The following GUCY1A1 variants were observed in gnomAD, a reference collection of about 807,000 sequenced individuals.
The protein encoded by GUCY1A1 is guanylate cyclase 1 soluble subunit alpha 1.
GUCY1A1 carries 48 observed loss-of-function variants against 64.5 expected under a neutral mutation model. That is an observed-to-expected ratio of 0.74 (90% CI 0.59 to 0.95). The LOEUF is 0.95. Ranked by LOEUF, GUCY1A1 falls within the 40% of genes least tolerant of loss-of-function variation. The probability of loss-of-function intolerance (pLI) is 0.00; values close to 1 mark genes in which losing one functional copy is unlikely to be tolerated. For missense variants in GUCY1A1, 804 were observed against 825.3 expected (o/e 0.97, Z 0.32); for synonymous variants, 308 against 303.4 (o/e 1.02, Z -0.16).
Position 155,735,553 on chromosome 4 carries a change from T to C in GUCY1A1, c.*5322T>C, listed in dbSNP as rs1275079292. The C allele has an allele frequency of 6.6e-6, 1 of 151,964 alleles. No homozygotes were observed. Among genetic ancestry groups the C allele is most frequent in the Non-Finnish European group, 1.5e-5 (1 of 67,926 alleles). 9.4% of individuals were successfully genotyped at this position (151,964 alleles called of 1,614,324 possible). ...TCAAGTTTTTTAATTTTTTAAATTA[T>C]ATAATGTCAGAAAATTAAATCACAA... On this transcript the variant is annotated 3_prime_UTR_variant, in exon 10 of 10. Transcript: ENST00000506455.
At chr4:155,706,605 C>A (rs2126817204) in intron 4 of GUCY1A1, among the ~76,000 whole-genome samples, 1 of 150,298 alleles carries the variant, frequency 6.7e-6, no homozygotes, top group South Asian at 2.1e-4. Flanking sequence ...TGCTTAGTTT[C>A]TTTTTCTGGG....
chr4:155,667,522 C>T (rs1263644404), intron 2 of GUCY1A1, 103 bp downstream of exon 2: 2 of 152,184 alleles, frequency 1.3e-5, no homozygotes, highest in African/African-American at 2.4e-5. Flanking sequence ...TCCTGAGAAA[C>T]CTTCGGTACG....
At chr4:155,702,249 A>G (rs938561423) in intron 3 of GUCY1A1, among the ~76,000 whole-genome samples, 2 of 152,112 alleles carry the variant, frequency 1.3e-5, no homozygotes, top group Non-Finnish European at 2.9e-5. Context: ...TTTATTAAAG[A>G]CTTCTTTTTT....
chr4:155,724,343 G>A (rs568187322), intron 9 of GUCY1A1, among the ~76,000 whole-genome samples: 15 of 152,152 alleles, frequency 9.9e-5, no homozygotes, highest in Admixed American at 6.6e-5. Context: ...TTCCAAGTCC[G>A]GCTTCTGCTA....
chr4:155,676,670 C>T (rs1330505156), intron 2 of GUCY1A1, among the ~76,000 whole-genome samples: 1 of 151,458 alleles, frequency 6.6e-6, no homozygotes, highest in African/African-American at 2.5e-5. Context: ...CAGTGTTTAT[C>T]ACTTAAGTGG....
At chr4:155,669,403 G>T (rs774419206) in intron 2 of GUCY1A1, among the ~76,000 whole-genome samples, 14 of 151,842 alleles carry the variant, frequency 9.2e-5, no homozygotes, top group Admixed American at 2.6e-4. Flanking sequence ...CCCCTTAAAG[G>T]TCTTGCTTCT....
Position 155,670,066 on chromosome 4 carries a change from A to C in GUCY1A1, c.-113+2647A>C, listed in dbSNP as rs114700014. On this transcript the variant is annotated intron_variant, in intron 2 of 9. Coordinates refer to ENST00000506455, the MANE Select transcript of GUCY1A1 (RefSeq NM_001130682.3). ...AAAAGTATGTGCATTAATGGGAAAA[A>C]TTTTTGGAGGAAGCTGTTACTGAGA... Among the ~76,000 whole-genome samples, 583 of 152,294 alleles carry C rather than the reference A, an allele frequency of 3.8e-3. 2 individuals carry two copies. Among genetic ancestry groups the C allele is most frequent in the Non-Finnish European group, 6.8e-3 (461 of 68,002 alleles).
intron 3 of GUCY1A1, among the ~76,000 whole-genome samples, chr4:155,699,645 A>T (rs879416769): frequency 6.6e-6 from 1 of 152,194 alleles, no homozygotes; most frequent in Non-Finnish European, 1.5e-5. Context: ...GTAGTCCTCA[A>T]TCTAGATGAC....
At chr4:155,723,594 CTCTT>C (rs1734252528) in intron 9 of GUCY1A1, among the ~76,000 whole-genome samples, 1 of 151,946 alleles carries the variant, frequency 6.6e-6, no homozygotes, top group Admixed American at 6.6e-5. Flanking sequence ...TCAGAGATAA[CTCTT>C]TAATAGCATC....
chr4:155,691,681 G>A (rs573292890), intron 2 of GUCY1A1, among the ~76,000 whole-genome samples: 7 of 152,146 alleles, frequency 4.6e-5, no homozygotes, highest in Admixed American at 6.5e-5. Context: ...GCATGTCCAG[G>A]TACCAGGTAT....
At chr4:155,699,934 G>A (rs548902729) in intron 3 of GUCY1A1, among the ~76,000 whole-genome samples, 1 of 152,062 alleles carries the variant, frequency 6.6e-6, no homozygotes, top group African/African-American at 2.4e-5. Flanking sequence ...TGGAATACTA[G>A]AGCTTTAAAA....
chr4:155,703,355 A>G (rs13115024), intron 3 of GUCY1A1, among the ~76,000 whole-genome samples: 5,966 of 152,320 alleles, frequency 0.039, 150 homozygotes, highest in Middle Eastern at 0.082. Flanking sequence ...GTGACAGATT[A>G]GATTTAAGAG....
chr4:155,701,730 G>A (rs1731105991), intron 3 of GUCY1A1, among the ~76,000 whole-genome samples: 1 of 151,418 alleles, frequency 6.6e-6, no homozygotes, highest in Admixed American at 6.6e-5. Context: ...CTGGAGCTCA[G>A]GAGTTCTTGG....
chr4:155,680,715 A>G (rs9996589), intron 2 of GUCY1A1, among the ~76,000 whole-genome samples: 6,091 of 152,242 alleles, frequency 0.04, 432 homozygotes, highest in African/African-American at 0.14. Context: ...AAAATCATAA[A>G]GGAAGAGAAA....
chr4:155,710,838 G>A lies in GUCY1A1; in HGVS notation c.673G>A (p.Val225Ile), dbSNP rs769362284. The change falls in exon 6 of 10, where the codon GTA becomes ATA. Residue 225 changes from valine (V) to isoleucine (I), a missense_variant. By Grantham distance (29) the Val-to-Ile change is conservative. Transcript: ENST00000506455. ...CGGCATCATAAAGGCAGCTGCTCAC[G>A]TATTATATGAAACGGAAGTGGAAGT... is the stretch of plus-strand genomic sequence containing the variant. ...LPGIIKAAAH[V>I]LYETEVEVSL... The A allele has an allele frequency of 1.2e-5, 20 of 1,613,960 alleles. No homozygotes were observed. Among genetic ancestry groups the A allele is most frequent in the Middle Eastern group, 1.6e-4 (1 of 6,084 alleles).
chr4:155,719,407 A>G (rs181460085), intron 8 of GUCY1A1, among the ~76,000 whole-genome samples: 2 of 152,006 alleles, frequency 1.3e-5, no homozygotes, highest in Admixed American at 6.6e-5. Flanking sequence ...GTCTCATTTA[A>G]TCCTTATAAT....
At chr4:155,705,081 G>A (rs950419305) in intron 4 of GUCY1A1, among the ~76,000 whole-genome samples, 4 of 152,164 alleles carry the variant, frequency 2.6e-5, no homozygotes, top group Admixed American at 2.6e-4. Context: ...TTGTAGAGAT[G>A]GGGTTTCACC....
intron 2 of GUCY1A1, among the ~76,000 whole-genome samples, chr4:155,683,526 G>A (rs1216555708): frequency 2.0e-5 from 3 of 152,308 alleles, no homozygotes; most frequent in Non-Finnish European, 2.9e-5. Context: ...GTTTGATTAA[G>A]GCTGGAAAAT....
chr4:155,669,550 C>G (rs576049545), intron 2 of GUCY1A1, among the ~76,000 whole-genome samples: 3 of 152,034 alleles, frequency 2.0e-5, no homozygotes, highest in Admixed American at 6.6e-5. Flanking sequence ...ATGCTTAGTA[C>G]TTATAACTCT....
Sources: gnomAD v4.1 joint callset for allele counts (sites outside exome capture counted in the v4.1 genomes callset) on GRCh38, gnomAD v4.1.1 for gene constraint, MANE v1.5 for transcripts, NCBI Gene and HGNC (gene_info 2026-07-23, HGNC 2026-07-21) for gene names.